The following CYP7B1 variants were observed in gnomAD, a reference collection of about 807,000 sequenced individuals.
CYP7B1 encodes cytochrome P450 7B1.
A neutral mutation model predicts 42.7 loss-of-function variants in CYP7B1; 29 were observed. That is an observed-to-expected ratio of 0.68 (90% CI 0.51 to 0.93). The LOEUF (loss-of-function observed/expected upper bound fraction) is 0.93, where lower values mean the gene tolerates loss of function less well. CYP7B1 is among the 40% of genes least tolerant of loss of function. The probability of loss-of-function intolerance (pLI) is 0.00; values close to 1 mark genes in which losing one functional copy is unlikely to be tolerated. For missense variants in CYP7B1, 655 were observed against 600.5 expected (o/e 1.09, Z -0.95); for synonymous variants, 235 against 218.2 (o/e 1.08, Z -0.68).
At chr8:64,600,204 C>CTCTATTGGA (rs1214193096) in intron 5 of CYP7B1, among the ~76,000 whole-genome samples, 4 of 152,154 alleles carry the variant, frequency 2.6e-5, no homozygotes, top group Non-Finnish European at 2.9e-5. Context: ...CACTAGAAAT[C>CTCTATTGGA]AAGTTTGGAT....
At position 64,622,831 on chromosome 8, in the gene CYP7B1, C is replaced by A. The variant is rs562602279; in HGVS notation, c.259+1572G>T. On this transcript the variant is annotated intron_variant, in intron 2 of 5. Transcript: ENST00000310193. Reference sequence around the variant, plus strand: ...TGAAATTGGAGAAAACATGGTAAATCATTGAGAAACGTAGGTACATTTGGT... The same window carrying A: ...TGAAATTGGAGAAAACATGGTAAATAATTGAGAAACGTAGGTACATTTGGT... 2.0e-5 allele frequency among the ~76,000 whole-genome samples: 3 copies of A among 152,236 alleles called. No homozygotes were observed. In the South Asian group the frequency reaches 6.2e-4, roughly 32 times the overall value.
chr8:64,623,995 TG>T (rs1014026055), intron 2 of CYP7B1, among the ~76,000 whole-genome samples: 1 of 152,094 alleles, frequency 6.6e-6, no homozygotes, highest in African/African-American at 2.4e-5. Flanking sequence ...AAACTGTGAT[TG>T]GGGGGAGGGG....
chr8:64,761,034 C>T (rs1297441115), intron 1 of CYP7B1, among the ~76,000 whole-genome samples: 1 of 152,064 alleles, frequency 6.6e-6, no homozygotes. Context: ...TTGTCACTTA[C>T]AAGAACATGA....
intron 1 of CYP7B1, among the ~76,000 whole-genome samples, chr8:64,790,152 A>T (rs1361361621): frequency 1.3e-5 from 2 of 152,170 alleles, no homozygotes; most frequent in East Asian, 3.8e-4. Flanking sequence ...TTACACAAAC[A>T]AGCAATAACC....
At chr8:64,710,396 T>C (rs891726109) in intron 1 of CYP7B1, among the ~76,000 whole-genome samples, 11 of 152,198 alleles carry the variant, frequency 7.2e-5, no homozygotes, top group African/African-American at 2.4e-4. Flanking sequence ...TGGTCTGGCA[T>C]TGCCAACCTA....
intron 1 of CYP7B1, among the ~76,000 whole-genome samples, chr8:64,778,046 A>AAAGTCCTT (rs1256384374): frequency 3.3e-5 from 5 of 151,694 alleles, no homozygotes; most frequent in African/African-American, 1.2e-4. Flanking sequence ...GCTTTGGTCA[A>AAAGTCCTT]AAGTCCTTAC....
rs531801578 is a variant in CYP7B1, at chr8:64,712,777, A to C, written c.122+85689T>G. On this transcript the variant is annotated intron_variant, in intron 1 of 5. Coordinates refer to ENST00000310193, the MANE Select transcript of CYP7B1 (RefSeq NM_004820.5). Reference sequence around the variant, plus strand: ...TGTGTTATGTGTATGTATATTTTATATATTATATATATATAGTCTTACAGT... The same window carrying C: ...TGTGTTATGTGTATGTATATTTTATCTATTATATATATATAGTCTTACAGT... 0.02 allele frequency among the ~76,000 whole-genome samples: 189 copies of C among 9,526 alleles called. No homozygotes were observed. The African/African-American group carries it at 0.21, about 11-fold the overall frequency. The allele number at this position is 9,526 out of a possible 152,430, so 6.2% of individuals were successfully genotyped here. A position where few individuals can be genotyped will look rare whatever the true frequency, so the allele number is the denominator to read the frequency against.
intron 1 of CYP7B1, among the ~76,000 whole-genome samples, chr8:64,644,922 C>T (rs941219835): frequency 6.8e-6 from 1 of 147,238 alleles, no homozygotes; most frequent in African/African-American, 2.5e-5. Flanking sequence ...CCCCCCATCC[C>T]ACAACAGTCC....
chr8:64,604,689 G>C lies in CYP7B1; in HGVS notation c.1226C>G (p.Ala409Gly). 2 of 1,614,114 alleles carry C rather than the reference G, an allele frequency of 1.2e-6. No homozygotes were observed. Among genetic ancestry groups the C allele is most frequent in the Non-Finnish European group, 1.7e-6 (2 of 1,180,032 alleles). The change falls in exon 5 of 6, where the codon GCT (alanine) becomes GGT (glycine). Residue 409 changes from alanine (A) to glycine (G), a missense_variant. Coordinates refer to ENST00000310193, the MANE Select transcript of CYP7B1 (RefSeq NM_004820.5). ...VLHGDPEIFE[A>G]PEEFRYDRFI... is the part of the protein sequence containing the mutation. ...GGCTTGATGTTTACTTACCTCTGGA[G>C]CTTCAAAGATTTCAGGGTCACCATG...
At chr8:64,728,693 T>C (rs1212460825) in intron 1 of CYP7B1, among the ~76,000 whole-genome samples, 2 of 152,232 alleles carry the variant, frequency 1.3e-5, no homozygotes, top group Non-Finnish European at 2.9e-5. Context: ...TTTATTAGAA[T>C]GATTATTATC....
At chr8:64,657,459 A>T (rs1806137654) in intron 1 of CYP7B1, among the ~76,000 whole-genome samples, 1 of 152,130 alleles carries the variant, frequency 6.6e-6, no homozygotes, top group African/African-American at 2.4e-5. Flanking sequence ...TCACATTTCT[A>T]TTATATGTGG....
intron 1 of CYP7B1, among the ~76,000 whole-genome samples, chr8:64,673,754 T>A (rs1391619220): frequency 2.0e-5 from 3 of 152,220 alleles, no homozygotes; most frequent in South Asian, 4.1e-4. Context: ...AACAGGTCCT[T>A]GATTAAAAAT....
At chr8:64,725,302 G>C (rs907878465) in intron 1 of CYP7B1, among the ~76,000 whole-genome samples, 23 of 152,212 alleles carry the variant, frequency 1.5e-4, no homozygotes, top group Non-Finnish European at 4.4e-5. Flanking sequence ...CAAAGTATCA[G>C]CCATGACCCT....
In CYP7B1 at chr8:64,618,242, A is replaced by G. The variant is rs186617362; in HGVS notation, c.260-1961T>C. Among the ~76,000 whole-genome samples, 728 of 152,126 alleles carry G rather than the reference A, an allele frequency of 4.8e-3. 1 individual carries two copies. The highest frequency in any genetic ancestry group is 0.016 in the African/African-American group (659 of 41,502). On this transcript the variant is annotated intron_variant, in intron 2 of 5. Transcript: ENST00000310193. ...TTGCAAAAGATATAATTTTAGGCAA[A>G]GTTGTGTATTTTCACAGGTGGTGAT... is the stretch of plus-strand genomic sequence containing the variant.
chr8:64,590,899 T>G lies in CYP7B1; in HGVS notation c.*5743A>C, dbSNP rs548993758. Among the ~76,000 whole-genome samples, 2 of 152,312 alleles carry G rather than the reference T, an allele frequency of 1.3e-5. No homozygotes were observed. The highest frequency in any genetic ancestry group is 4.8e-5 in the African/African-American group (2 of 41,598). On this transcript the variant is annotated 3_prime_UTR_variant, in exon 6 of 6. Coordinates refer to ENST00000310193, the MANE Select transcript of CYP7B1 (RefSeq NM_004820.5). Reference sequence around the variant, plus strand: ...AATTTTTGTTGTACATAAAAGAACATTAAGTATTAGACTTGCAAAGCACTT... The same window carrying G: ...AATTTTTGTTGTACATAAAAGAACAGTAAGTATTAGACTTGCAAAGCACTT...
intron 1 of CYP7B1, among the ~76,000 whole-genome samples, chr8:64,774,008 T>C (rs572232303): frequency 1.3e-5 from 2 of 152,276 alleles, no homozygotes; most frequent in South Asian, 2.1e-4. Flanking sequence ...CTTTGGGGGA[T>C]ACATTCAAAC....
At chr8:64,639,983 G>C (rs1805829253) in intron 1 of CYP7B1, among the ~76,000 whole-genome samples, 1 of 151,982 alleles carries the variant, frequency 6.6e-6, no homozygotes, top group East Asian at 1.9e-4. Context: ...AAAGAAAAAA[G>C]AACAAATCAC....
chr8:64,744,156 G>A (rs906772068), intron 1 of CYP7B1, among the ~76,000 whole-genome samples: 12 of 152,092 alleles, frequency 7.9e-5, no homozygotes, highest in African/African-American at 2.9e-4. Flanking sequence ...TAAAAGGAGA[G>A]GGAAAATATA....
chr8:64,657,184 TG>T (rs1231361786), intron 1 of CYP7B1, among the ~76,000 whole-genome samples: 1 of 152,174 alleles, frequency 6.6e-6, no homozygotes, highest in Non-Finnish European at 1.5e-5. Flanking sequence ...GAATAATTTA[TG>T]GTTAAACATT....
Sources: allele counts gnomAD v4.1 joint callset (sites outside exome capture counted in the v4.1 genomes callset), GRCh38; gene constraint gnomAD v4.1.1; transcripts MANE v1.5; gene names NCBI Gene and HGNC (gene_info 2026-07-23, HGNC 2026-07-21).